MAP2: variants seen among roughly 807,000 people sequenced by gnomAD.
MAP2 encodes microtubule-associated protein 2.
In MAP2, 14 loss-of-function variants were observed where a neutral mutation model predicts 137.6. The ratio of observed to expected loss-of-function variants is 0.10; its 90% CI spans 0.07 to 0.16. The LOEUF (loss-of-function observed/expected upper bound fraction) is 0.16. MAP2 is among the 10% of genes least tolerant of loss of function. The pLI, the probability that MAP2 is intolerant of heterozygous loss-of-function variation, is 1.00. For synonymous variants in MAP2, 786 were observed against 782.3 expected (o/e 1.00, Z -0.08); for missense variants, 2,088 against 2,191.5 (o/e 0.95, Z 0.94).
At chr2:209,509,410 T>A (rs2061463696) in intron 2 of MAP2, among the ~76,000 whole-genome samples, 1 of 151,946 alleles carries the variant, frequency 6.6e-6, no homozygotes, top group Non-Finnish European at 1.5e-5. Context: ...AACGTGTACA[T>A]ATAAATGGAA....
At chr2:209,556,046 T>C (rs1350280896) in intron 2 of MAP2, among the ~76,000 whole-genome samples, 2 of 148,086 alleles carry the variant, frequency 1.4e-5, no homozygotes. Flanking sequence ...TCTTTTCTTT[T>C]TTTTTTTTTT....
At chr2:209,670,497 GTGT>G (rs2048340783) in intron 5 of MAP2, among the ~76,000 whole-genome samples, 1 of 151,874 alleles carries the variant, frequency 6.6e-6, no homozygotes, top group African/African-American at 2.4e-5. Flanking sequence ...CCATAATGTA[GTGT>G]TTTTAACCTG....
chr2:209,507,715 T>C (rs2061243546), intron 2 of MAP2, 74 bp downstream of exon 2: 1 of 152,190 alleles, frequency 6.6e-6, no homozygotes, highest in Non-Finnish European at 1.5e-5. Flanking sequence ...TTTAGATAGC[T>C]GTGTCAGAAA....
chr2:209,664,784 A>G (rs2045473540), intron 5 of MAP2, among the ~76,000 whole-genome samples: 1 of 151,922 alleles, frequency 6.6e-6, no homozygotes, highest in Non-Finnish European at 1.5e-5. Flanking sequence ...ACATTGTGAA[A>G]TCCCATCTCT....
At chr2:209,612,699 T>C (rs1559408527) in intron 3 of MAP2, among the ~76,000 whole-genome samples, 1 of 152,214 alleles carries the variant, frequency 6.6e-6, no homozygotes, top group Non-Finnish European at 1.5e-5. Flanking sequence ...GACTTTTAGG[T>C]GATGCTATAG....
intron 7 of MAP2, among the ~76,000 whole-genome samples, chr2:209,688,159 G>A (rs2057692234): frequency 6.6e-6 from 1 of 152,140 alleles, no homozygotes; most frequent in African/African-American, 2.4e-5. Context: ...CTAGAGGCAT[G>A]TGAGCACTTC....
chr2:209,723,575 T>C, intron 13 of MAP2: 1 of 1,460,156 alleles, frequency 6.8e-7, no homozygotes, highest in East Asian at 2.3e-5. Flanking sequence ...CACAGTGAAG[T>C]TACCTCCAAT....
At chr2:209,552,416 A>G (rs2069389753) in intron 2 of MAP2, among the ~76,000 whole-genome samples, 1 of 152,208 alleles carries the variant, frequency 6.6e-6, no homozygotes, top group Non-Finnish European at 1.5e-5. Context: ...TTTAAATAAT[A>G]TTGAATTTAT....
chr2:209,516,361 A>G (rs781256602), intron 2 of MAP2, among the ~76,000 whole-genome samples: 26 of 152,206 alleles, frequency 1.7e-4, no homozygotes, highest in South Asian at 1.0e-3. Context: ...CCTCAAAACT[A>G]TTGCCTTCTA....
chr2:209,523,934 C>G (rs2063643605), intron 2 of MAP2, among the ~76,000 whole-genome samples: 1 of 152,112 alleles, frequency 6.6e-6, no homozygotes. Flanking sequence ...CTTCTTAAGG[C>G]TTGTCTCATT....
intron 2 of MAP2, among the ~76,000 whole-genome samples, chr2:209,528,273 C>CAAAT (rs2064410357): frequency 6.6e-6 from 1 of 152,024 alleles, no homozygotes; most frequent in African/African-American, 2.4e-5. Flanking sequence ...CTCTTCAGGA[C>CAAAT]AAATACTCAA....
intron 3 of MAP2, among the ~76,000 whole-genome samples, chr2:209,598,157 C>A (rs1469741273): frequency 6.6e-6 from 1 of 152,098 alleles, no homozygotes; most frequent in Non-Finnish European, 1.5e-5. Flanking sequence ...AGGCACCCAC[C>A]ACCATGCCCG....
rs1351328277 is a variant in MAP2, at chr2:209,730,434, G to A, written c.*37G>A. ...TTAGCATTGAAATAATAATATTTAG[G>A]CATGAGCTCTTGGCAGGAGTGGGCT... On this transcript the variant is annotated 3_prime_UTR_variant, in exon 16 of 16. Coordinates refer to ENST00000682079, the MANE Select transcript of MAP2 (RefSeq NM_001375505.1). 2 of 1,508,598 alleles carry A rather than the reference G, an allele frequency of 1.3e-6. No individual in the cohort carries two copies. Among genetic ancestry groups the A allele is most frequent in the Admixed American group, 1.7e-5 (1 of 57,510 alleles). The allele number at this position is 1,508,598 out of a possible 1,614,324, so 93.5% of individuals were successfully genotyped here. A position where few individuals can be genotyped will look rare whatever the true frequency, so the allele number is the denominator to read the frequency against.
At chr2:209,470,447 AT>A (rs1430474658) in intron 1 of MAP2, among the ~76,000 whole-genome samples, 3 of 150,698 alleles carry the variant, frequency 2.0e-5, no homozygotes, top group African/African-American at 7.3e-5. Context: ...TAGAGGGGAA[AT>A]TAAGTAAAAA....
At chr2:209,667,875 A>G (rs944770724) in intron 5 of MAP2, among the ~76,000 whole-genome samples, 10 of 151,972 alleles carry the variant, frequency 6.6e-5, no homozygotes, top group East Asian at 1.9e-4. Context: ...GCACTTTTCT[A>G]TCTGCTTCCC....
At chr2:209,455,232 C>G (rs920746785) in intron 1 of MAP2, among the ~76,000 whole-genome samples, 2 of 152,076 alleles carry the variant, frequency 1.3e-5, no homozygotes, top group Non-Finnish European at 2.9e-5. Flanking sequence ...TAAGTAGGTA[C>G]CATTATCAAC....
At chr2:209,436,617 G>C (rs777227155) in intron 1 of MAP2, among the ~76,000 whole-genome samples, 56 of 151,698 alleles carry the variant, frequency 3.7e-4, no homozygotes, top group Non-Finnish European at 8.0e-4. Flanking sequence ...ACTATGTGAA[G>C]ACAATAGTTA....
intron 1 of MAP2, among the ~76,000 whole-genome samples, chr2:209,434,860 A>ATATATATGTTATATATG (rs1559157080): frequency 5.1e-4 from 56 of 109,588 alleles, no homozygotes; most frequent in African/African-American, 1.8e-3. Context: ...TTATATATAT[A>ATATATATGTTATATATG]TGTTATATAT....
In MAP2 at chr2:209,695,130, T is replaced by C. The variant is rs147736799; in HGVS notation, c.2960T>C (p.Ile987Thr). The change falls in exon 8 of 16, where the codon ATA (isoleucine) becomes ACA (threonine). Residue 987 changes from isoleucine (I) to threonine (T), a missense_variant. Coordinates refer to ENST00000682079, the MANE Select transcript of MAP2 (RefSeq NM_001375505.1). ...AAAACTGAAGAGGCTGGTGATGAAA[T>C]AGAAACATTCGGATTAGGAGTAACC... ...AKKTEEAGDE[I>T]ETFGLGVTYE... 1.9e-6 allele frequency: 3 copies of C among 1,614,016 alleles called. No homozygotes were observed. Among genetic ancestry groups the C allele is most frequent in the African/African-American group, 2.7e-5 (2 of 74,998 alleles).
Sources: gnomAD v4.1 joint callset for allele counts (sites outside exome capture counted in the v4.1 genomes callset) on GRCh38, gnomAD v4.1.1 for gene constraint, MANE v1.5 for transcripts, NCBI Gene and HGNC (gene_info 2026-07-23, HGNC 2026-07-21) for gene names.